The following CSMD1 variants were observed in gnomAD, a reference collection of about 807,000 sequenced individuals.
The protein encoded by CSMD1 is CUB and Sushi multiple domains 1.
A neutral mutation model predicts 417.5 loss-of-function variants in CSMD1; 213 were observed. The ratio of observed to expected loss-of-function variants is 0.51; its 90% CI spans 0.46 to 0.57. The LOEUF (loss-of-function observed/expected upper bound fraction) is 0.57, where lower values mean the gene tolerates loss of function less well. Among genes scored for constraint, CSMD1 ranks in the 20% least tolerant of loss-of-function variants. The probability of loss-of-function intolerance (pLI) is 0.00; values close to 1 mark genes in which losing one functional copy is unlikely to be tolerated. For synonymous variants in CSMD1, 2,862 were observed against 1,736.8 expected, an observed-to-expected ratio of 1.65 and a Z score of -16.11; for missense variants, 6,923 against 4,529.7, an observed-to-expected ratio of 1.53 and a Z score of -15.17.
Position 4,419,947 on chromosome 8 carries a change from T to G in CSMD1, c.415+6A>C, listed in dbSNP as rs1347650553. On this transcript the variant is annotated splice_donor_region_variant and intron_variant, in intron 3 of 69. Transcript: ENST00000635120. ...ATGCATGTGCAAAACACAACCAATC[T>G]CCTACCTTCATATAATGCTTTGAAA... The G allele has an allele frequency of 6.5e-7, 1 of 1,547,744 alleles. No individual in the cohort carries two copies. Among genetic ancestry groups the G allele is most frequent in the Admixed American group, 1.9e-5 (1 of 53,280 alleles).
chr8:3,431,108 C>CCATGAGAAAATGAATA (rs1417756947), intron 12 of CSMD1, among the ~76,000 whole-genome samples: 1 of 152,014 alleles, frequency 6.6e-6, no homozygotes, highest in Admixed American at 6.6e-5. Context: ...AGTAAGGAGC[C>CCATGAGAAAATGAATA]CATGAGAAAA....
At chr8:4,707,156 T>C (rs1379536663) in intron 1 of CSMD1, among the ~76,000 whole-genome samples, 1 of 152,166 alleles carries the variant, frequency 6.6e-6, no homozygotes, top group Non-Finnish European at 1.5e-5. Flanking sequence ...GTGAAAATAA[T>C]AAAATAATAA....
At chr8:4,821,667 T>A (rs1356793747) in intron 1 of CSMD1, among the ~76,000 whole-genome samples, 2 of 152,134 alleles carry the variant, frequency 1.3e-5, no homozygotes, top group Non-Finnish European at 2.9e-5. Flanking sequence ...AAGGAAATGA[T>A]GACTCTGATT....
chr8:4,180,321 G>T (rs113150390), intron 3 of CSMD1, among the ~76,000 whole-genome samples: 5,303 of 150,994 alleles, frequency 0.035, 329 homozygotes, highest in African/African-American at 0.12. Flanking sequence ...GTAAACTATT[G>T]CAAGGACAAA....
chr8:4,095,572 G>T (rs1179012944), intron 3 of CSMD1, among the ~76,000 whole-genome samples: 2 of 152,154 alleles, frequency 1.3e-5, no homozygotes, highest in African/African-American at 4.8e-5. Flanking sequence ...AAATGTATTT[G>T]GGAGAGTCAA....
chr8:4,167,829 A>C (rs560190271), intron 3 of CSMD1, among the ~76,000 whole-genome samples: 3 of 152,246 alleles, frequency 2.0e-5, no homozygotes, highest in East Asian at 1.9e-4. Flanking sequence ...ATCTCTACCA[A>C]GAATTATATA....
chr8:3,307,814 A>G lies in CSMD1; in HGVS notation c.3831T>C (p.Cys1277=), dbSNP rs765057116. Residue 1277 remains cysteine (C), a synonymous_variant, in exon 25 of 70, where the codon TGT becomes TGC. Transcript: ENST00000635120. ...DKPLPSCIAE[C]GGQIHAATSG... is the part of the protein sequence containing the mutation. ...ATGTGGCTGCATGGATCTGACCACC[A>G]CATTCCGCTGTAGAAGACACAGAGA... The G allele has an allele frequency of 6.2e-7, 1 of 1,612,590 alleles. No homozygotes were observed. Among genetic ancestry groups the G allele is most frequent in the Non-Finnish European group, 8.5e-7 (1 of 1,179,338 alleles).
chr8:3,200,712 T>C (rs1459570579), intron 32 of CSMD1, among the ~76,000 whole-genome samples: 3 of 152,152 alleles, frequency 2.0e-5, no homozygotes, highest in Non-Finnish European at 4.4e-5. Flanking sequence ...ATCAACATAT[T>C]TAATGTGTAT....
chr8:3,238,319 T>C (rs1298461555), intron 26 of CSMD1, among the ~76,000 whole-genome samples: 1 of 152,058 alleles, frequency 6.6e-6, no homozygotes, highest in Non-Finnish European at 1.5e-5. Context: ...TGGAATGTCA[T>C]CAGTTAAGGC....
At chr8:3,512,224 C>A (rs576401405) in intron 10 of CSMD1, among the ~76,000 whole-genome samples, 4 of 152,214 alleles carry the variant, frequency 2.6e-5, no homozygotes, top group African/African-American at 7.2e-5. Flanking sequence ...CCGCTCCTCG[C>A]GGGTCCACGT....
chr8:4,439,726 T>C (rs1798353584), intron 2 of CSMD1, among the ~76,000 whole-genome samples: 1 of 152,240 alleles, frequency 6.6e-6, no homozygotes, highest in Non-Finnish European at 1.5e-5. Flanking sequence ...TTGAAATAAG[T>C]AAATAGAGAA....
intron 26 of CSMD1, among the ~76,000 whole-genome samples, chr8:3,261,382 C>T (rs866880118): frequency 6.6e-6 from 1 of 152,050 alleles, no homozygotes; most frequent in Non-Finnish European, 1.5e-5. Context: ...ACTTACGTTC[C>T]CATGATAAAG....
At chr8:4,210,071 C>G (rs902210567) in intron 3 of CSMD1, among the ~76,000 whole-genome samples, 3 of 152,164 alleles carry the variant, frequency 2.0e-5, no homozygotes, top group African/African-American at 7.2e-5. Context: ...CAAGTCCCAC[C>G]TCCTACCTCA....
chr8:4,890,855 A>G (rs574575399), intron 1 of CSMD1, among the ~76,000 whole-genome samples: 8 of 152,278 alleles, frequency 5.3e-5, no homozygotes, highest in Admixed American at 2.0e-4. Flanking sequence ...CACAGATCAC[A>G]TTGAGTGACA....
At chr8:4,114,286 G>T (rs1050893639) in intron 3 of CSMD1, among the ~76,000 whole-genome samples, 1 of 152,156 alleles carries the variant, frequency 6.6e-6, no homozygotes, top group Admixed American at 6.5e-5. Context: ...CACTCTGCCT[G>T]TGCTGTCTAA....
chr8:4,741,583 G>C (rs548971829), intron 1 of CSMD1, among the ~76,000 whole-genome samples: 3 of 152,306 alleles, frequency 2.0e-5, no homozygotes, highest in East Asian at 3.9e-4. Flanking sequence ...CTTAACATGT[G>C]TCTCGAGGCT....
At chr8:3,126,959 A>T (rs1817543712) in intron 41 of CSMD1, among the ~76,000 whole-genome samples, 1 of 152,186 alleles carries the variant, frequency 6.6e-6, no homozygotes, top group African/African-American at 2.4e-5. Context: ...GCACGCTGAG[A>T]ACGTCAGCTT....
At chr8:4,586,354 C>T (rs539722395) in intron 2 of CSMD1, among the ~76,000 whole-genome samples, 1 of 152,122 alleles carries the variant, frequency 6.6e-6, no homozygotes, top group Non-Finnish European at 1.5e-5. Context: ...AGATAGATTT[C>T]TCTCACAGAG....
chr8:3,919,463 C>T (rs765418594), intron 5 of CSMD1, among the ~76,000 whole-genome samples: 1 of 152,042 alleles, frequency 6.6e-6, no homozygotes, highest in Non-Finnish European at 1.5e-5. Context: ...AGTTCACTTT[C>T]TGGCTTTCTA....
Sources: gnomAD v4.1 joint callset for allele counts (sites outside exome capture counted in the v4.1 genomes callset) on GRCh38, gnomAD v4.1.1 for gene constraint, MANE v1.5 for transcripts, NCBI Gene and HGNC (gene_info 2026-07-23, HGNC 2026-07-21) for gene names.